Variants in RNGTT observed in about 807,000 individuals in gnomAD.
RNGTT encodes the protein mRNA-capping enzyme.
Under a neutral mutation model 79.3 loss-of-function variants are expected in RNGTT, and 33 were observed. The ratio of observed to expected loss-of-function variants is 0.42; its 90% confidence interval spans 0.32 to 0.56. RNGTT has a LOEUF of 0.56. RNGTT is among the 20% of genes least tolerant of loss of function. The pLI, the probability that RNGTT is intolerant of heterozygous loss-of-function variation, is 0.17. For missense variants in RNGTT, 497 were observed against 739.1 expected, an observed-to-expected ratio of 0.67 and a Z score of 3.80; for synonymous variants, 222 against 235.9, an observed-to-expected ratio of 0.94 and a Z score of 0.54.
intron 13 of RNGTT, among the ~76,000 whole-genome samples, chr6:88,717,259 C>T (rs1036942551): frequency 5.3e-5 from 8 of 152,266 alleles, no homozygotes; most frequent in African/African-American, 1.9e-4. Context: ...TTTATCTTTC[C>T]TCCTCTAAAT....
At chr6:88,624,461 C>T (rs1260947199) in intron 14 of RNGTT, among the ~76,000 whole-genome samples, 1 of 151,738 alleles carries the variant, frequency 6.6e-6, no homozygotes, top group Non-Finnish European at 1.5e-5. Context: ...GACCAAGGCA[C>T]AAAGGCAATG....
intron 10 of RNGTT, among the ~76,000 whole-genome samples, chr6:88,845,393 C>A (rs1781451763): frequency 6.6e-6 from 1 of 152,204 alleles, no homozygotes; most frequent in Admixed American, 6.5e-5. Context: ...TACATGAACA[C>A]TTTTGTATGA....
intron 13 of RNGTT, among the ~76,000 whole-genome samples, chr6:88,719,978 T>G (rs1489560989): frequency 6.6e-6 from 1 of 152,146 alleles, no homozygotes; most frequent in Non-Finnish European, 1.5e-5. Context: ...CAGGCTGGCA[T>G]TTGGTGCACA....
chr6:88,647,715 A>AAAAAAAAAAAAAG (rs531898293), intron 14 of RNGTT, among the ~76,000 whole-genome samples: 2 of 142,446 alleles, frequency 1.4e-5, no homozygotes, highest in African/African-American at 3.0e-5. Context: ...AAAAAAAAAA[A>AAAAAAAAAAAAAG]AAGAAGAAGA....
chr6:88,649,493 C>A (rs1048999857), intron 14 of RNGTT, among the ~76,000 whole-genome samples: 2 of 152,098 alleles, frequency 1.3e-5, no homozygotes, highest in East Asian at 3.9e-4. Context: ...GTCAGGAGAT[C>A]GAGACCAGCC....
At chr6:88,739,771 A>ATG (rs1777419779) in intron 13 of RNGTT, among the ~76,000 whole-genome samples, 1 of 81,950 alleles carries the variant, frequency 1.2e-5, no homozygotes, top group African/African-American at 4.1e-5. Context: ...ATATATATAT[A>ATG]TATATATGTT....
intron 6 of RNGTT, among the ~76,000 whole-genome samples, chr6:88,899,899 A>G (rs1039596969): frequency 5.3e-5 from 8 of 152,200 alleles, no homozygotes; most frequent in Non-Finnish European, 8.8e-5. Flanking sequence ...CACACTTTCA[A>G]TGAAGATCCT....
At chr6:88,775,898 T>G (rs9353608) in intron 12 of RNGTT, among the ~76,000 whole-genome samples, 1 of 152,140 alleles carries the variant, frequency 6.6e-6, no homozygotes, top group Non-Finnish European at 1.5e-5. Context: ...TGAATAATAT[T>G]CTGTTGCATA....
chr6:88,678,463 T>A, intron 13 of RNGTT, 44 bp from the exon 14 acceptor site: 1 of 1,268,136 alleles, frequency 7.9e-7, no homozygotes, highest in Non-Finnish European at 1.0e-6. Context: ...CTCCTTCTTA[T>A]AAATAAGGTT....
intron 13 of RNGTT, among the ~76,000 whole-genome samples, chr6:88,683,501 TAATTCTA>T: frequency 6.6e-6 from 1 of 152,088 alleles, no homozygotes; most frequent in East Asian, 1.9e-4. Flanking sequence ...CTACCAAAAT[TAATTCTA>T]ATTACACACA....
intron 8 of RNGTT, among the ~76,000 whole-genome samples, chr6:88,879,136 C>T (rs1457029066): frequency 2.6e-5 from 4 of 152,172 alleles, no homozygotes; most frequent in Admixed American, 1.3e-4. Context: ...GTGGCTCATG[C>T]CTGTAATCCC....
chr6:88,948,593 C>T (rs1458125665), intron 1 of RNGTT, among the ~76,000 whole-genome samples: 1 of 147,608 alleles, frequency 6.8e-6, no homozygotes, highest in African/African-American at 2.5e-5. Flanking sequence ...GCCCGGCCAC[C>T]ACCCCGTCTG....
In RNGTT at chr6:88,963,486, G is replaced by T; in HGVS notation, c.-77C>A. ...TGGAGCCGCCTCCCCGTGGTCCGGT[G>T]CACACCGGGGTCCGAGACACCCGAA... On this transcript the variant is annotated 5_prime_UTR_variant, in exon 1 of 16. Coordinates refer to ENST00000369485, the MANE Select transcript of RNGTT (RefSeq NM_003800.5). The T allele has an allele frequency of 7.2e-7, 1 of 1,387,478 alleles. No homozygotes were observed. Among genetic ancestry groups the T allele is most frequent in the Non-Finnish European group, 9.6e-7 (1 of 1,037,826 alleles). 85.9% of individuals were successfully genotyped at this position (1,387,478 alleles called of 1,614,324 possible).
At position 88,954,928 on chromosome 6, in the gene RNGTT, C is replaced by T. The variant is rs78126403; in HGVS notation, c.64+8418G>A. Among the ~76,000 whole-genome samples, 62 of 151,816 alleles carry T rather than the reference C, an allele frequency of 4.1e-4. No homozygotes were observed. In the East Asian group the frequency reaches 7.4e-3, roughly 18 times the overall value. On this transcript the variant is annotated intron_variant, in intron 1 of 15. Transcript: ENST00000369485. ...CATGTACTAAAAATACATGGTGGCA[C>T]GGGCTTGTAATCCCAGCTACTAGGG...
chr6:88,701,528 C>G (rs1043135405), intron 13 of RNGTT, among the ~76,000 whole-genome samples: 1 of 129,438 alleles, frequency 7.7e-6, no homozygotes, highest in African/African-American at 4.9e-5. Context: ...AATGCAACAA[C>G]AAAAAATTAT....
chr6:88,858,649 T>C (rs771210336), intron 8 of RNGTT, among the ~76,000 whole-genome samples: 2 of 152,196 alleles, frequency 1.3e-5, no homozygotes, highest in Non-Finnish European at 2.9e-5. Context: ...ATTTTCCAGA[T>C]GAGGAAACTG....
At chr6:88,929,930 A>T in intron 2 of RNGTT, among the ~76,000 whole-genome samples, 1 of 150,498 alleles carries the variant, frequency 6.6e-6, no homozygotes, top group African/African-American at 2.4e-5. Context: ...GTATATACAT[A>T]TGTATACATA....
At chr6:88,697,056 C>T (rs1479947373) in intron 13 of RNGTT, among the ~76,000 whole-genome samples, 1 of 152,066 alleles carries the variant, frequency 6.6e-6, no homozygotes. Flanking sequence ...TTATATTCCA[C>T]ATTAAAAAGA....
At chr6:88,655,693 T>G (rs1350568115) in intron 14 of RNGTT, among the ~76,000 whole-genome samples, 1 of 152,216 alleles carries the variant, frequency 6.6e-6, no homozygotes, top group Non-Finnish European at 1.5e-5. Flanking sequence ...ATAGAAGACT[T>G]TTTTCAAGCC....
Sources: allele counts gnomAD v4.1 joint callset (sites outside exome capture counted in the v4.1 genomes callset), GRCh38; gene constraint gnomAD v4.1.1; transcripts MANE v1.5; gene names NCBI Gene and HGNC (gene_info 2026-07-23, HGNC 2026-07-21).